SPA17: variants seen among roughly 807,000 people sequenced by gnomAD.
SPA17 encodes sperm autoantigenic protein 17.
SPA17 carries 7 observed loss-of-function variants against 13.8 expected under a neutral mutation model. The ratio of observed to expected loss-of-function variants is 0.51; its 90% CI spans 0.29 to 0.95. The LOEUF is 0.95. SPA17 is among the 40% of genes least tolerant of loss of function. The pLI is 0.08. For synonymous variants in SPA17, 61 were observed against 59.0 expected (o/e 1.03, Z -0.16); for missense variants, 170 against 179.3 (o/e 0.95, Z 0.30).
At chr11:124,683,152 A>G (rs1483979448) in intron 3 of SPA17, among the ~76,000 whole-genome samples, 1 of 152,234 alleles carries the variant, frequency 6.6e-6, no homozygotes, top group Non-Finnish European at 1.5e-5. Context: ...CATAAATGAA[A>G]GAGAAATAAA....
chr11:124,675,086 C>G, intron 1 of SPA17, 152 bp from the exon 2 acceptor site: 1 of 680,862 alleles, frequency 1.5e-6, no homozygotes, highest in Non-Finnish European at 2.3e-6. Flanking sequence ...TTTCAAAACT[C>G]TTTGGAAGAA....
Position 124,694,387 on chromosome 11 carries a change from G to C in SPA17, c.397G>C (p.Glu133Gln). The C allele has an allele frequency of 6.2e-7, 1 of 1,613,960 alleles. No homozygotes were observed. ...AAFRGHIAREEAKKMKTNSLQ... is the reference protein window; with the variant it reads ...AAFRGHIAREQAKKMKTNSLQ... ...CTTCCGGGGACACATAGCCAGAGAG[G>C]AGGCAAAGAAAATGAAAACAAATAG... Residue 133 changes from glutamate to glutamine, a missense_variant, in exon 5 of 5, where the codon GAG (glutamate) becomes CAG (glutamine). Glu to Gln is a conservative substitution (Grantham distance 29, BLOSUM62 2). Transcript: ENST00000227135.
intron 4 of SPA17, among the ~76,000 whole-genome samples, chr11:124,692,272 A>G (rs1317641317): frequency 2.0e-5 from 3 of 152,162 alleles, no homozygotes; most frequent in African/African-American, 7.2e-5. Flanking sequence ...CTGATGTACT[A>G]CATCCAAGCA....
intron 3 of SPA17, among the ~76,000 whole-genome samples, chr11:124,689,449 G>A (rs1251702192): frequency 2.0e-5 from 3 of 152,116 alleles, no homozygotes; most frequent in Non-Finnish European, 4.4e-5. Context: ...ACACAAGGGA[G>A]TCCAACAATT....
At chr11:124,692,947 C>T (rs1326229984) in intron 4 of SPA17, among the ~76,000 whole-genome samples, 7 of 152,202 alleles carry the variant, frequency 4.6e-5, no homozygotes, top group East Asian at 1.9e-4. Context: ...CCTAGTGATG[C>T]ATTGCTTTTC....
chr11:124,696,923 C>G lies in SPA17; in HGVS notation c.*2477C>G, dbSNP rs925791239. ...GATATTGCCCCCAAATCTGAAACTT[C>G]CCCCACACCCAAGTTTTTCCATTCA... is the stretch of plus-strand genomic sequence containing the variant. On this transcript the variant is annotated 3_prime_UTR_variant, in exon 5 of 5. Coordinates refer to ENST00000227135, the MANE Select transcript of SPA17 (RefSeq NM_017425.4). 3.3e-5 allele frequency: 5 copies of G among 152,098 alleles called. No homozygotes were observed. Among genetic ancestry groups the G allele is most frequent in the Non-Finnish European group, 5.9e-5 (4 of 68,036 alleles). The allele number at this position is 152,098 out of a possible 1,614,324, so 9.4% of individuals were successfully genotyped here. A position where few individuals can be genotyped will look rare whatever the true frequency, so the allele number is the denominator to read the frequency against.
intron 3 of SPA17, among the ~76,000 whole-genome samples, chr11:124,690,589 G>T (rs1192792741): frequency 1.3e-5 from 2 of 152,124 alleles, no homozygotes; most frequent in African/African-American, 2.4e-5. Context: ...TAACAAAATT[G>T]TACATGTACT....
At position 124,675,365 on chromosome 11, in the gene SPA17, A is replaced by AT; in HGVS notation, c.102dup (p.Ile35TyrfsTer10). 1 of 1,614,220 alleles carries AT rather than the reference A, an allele frequency of 6.2e-7. No individual in the cohort carries two copies. The highest frequency in any genetic ancestry group is 2.2e-5 in the East Asian group (1 of 44,886). On this transcript the variant is annotated frameshift_variant, in exon 2 of 5. Transcript: ENST00000227135. LOFTEE classifies it high-confidence loss of function. ...GAGATTCTGAGAGAGCAACCGGACA[A>AT]TATACCAGCTTTTGCAGCAGCCTAT... is the stretch of plus-strand genomic sequence containing the variant.
chr11:124,692,633 A>G (rs992828644), intron 4 of SPA17, among the ~76,000 whole-genome samples: 11 of 152,304 alleles, frequency 7.2e-5, no homozygotes, highest in African/African-American at 2.6e-4. Context: ...CCCATTGTTC[A>G]GTAATGTCAC....
intron 2 of SPA17, among the ~76,000 whole-genome samples, chr11:124,678,516 C>CTCTGTGTGTGTGTGTGTGTGTGTGTGTG (rs990471654): frequency 7.0e-6 from 1 of 143,262 alleles, no homozygotes; most frequent in African/African-American, 2.6e-5. Flanking sequence ...GAATACATAA[C>CTCTGTGTGTGTGTGTGTGTGTGTGTGTG]TGTGTGTGTG....
rs1253920775 is a variant in SPA17, at chr11:124,695,865, C to T, written c.*1419C>T. 1 of 152,246 alleles carries T rather than the reference C, an allele frequency of 6.6e-6. No individual in the cohort carries two copies. The highest frequency in any genetic ancestry group is 2.4e-5 in the African/African-American group (1 of 41,462). The allele number at this position is 152,246 out of a possible 1,614,324, so 9.4% of individuals were successfully genotyped here. ...GTCACAACAAATACTCTCCTACAAA[C>T]ACTTTGATCCTTGTCCTAGGCTTAG... On this transcript the variant is annotated 3_prime_UTR_variant, in exon 5 of 5. Coordinates refer to ENST00000227135, the MANE Select transcript of SPA17 (RefSeq NM_017425.4).
At chr11:124,692,103 A>G (rs931565348) in intron 4 of SPA17, among the ~76,000 whole-genome samples, 4 of 152,176 alleles carry the variant, frequency 2.6e-5, no homozygotes, top group African/African-American at 9.6e-5. Context: ...CACTTTGGGA[A>G]TTTTTCACTA....
intron 3 of SPA17, 121 bp downstream of exon 3, chr11:124,681,580 A>AT (rs1334170201): frequency 7.4e-5 from 28 of 378,480 alleles, no homozygotes; most frequent in African/African-American, 6.0e-4. Context: ...TAACTTATTA[A>AT]ATCTTATTAA....
At chr11:124,675,087 T>C in intron 1 of SPA17, 151 bp from the exon 2 acceptor site, 1 of 689,752 alleles carries the variant, frequency 1.4e-6, no homozygotes, top group South Asian at 2.3e-5. Flanking sequence ...TTCAAAACTC[T>C]TTGGAAGAAA....
intron 4 of SPA17, among the ~76,000 whole-genome samples, chr11:124,694,085 C>G (rs942641231): frequency 1.3e-5 from 2 of 152,118 alleles, no homozygotes; most frequent in Non-Finnish European, 2.9e-5. Context: ...TCTTTTGTTG[C>G]AGAGACATAT....
chr11:124,681,081 C>T (rs1231100704), intron 2 of SPA17, among the ~76,000 whole-genome samples: 1 of 152,092 alleles, frequency 6.6e-6, no homozygotes, highest in Non-Finnish European at 1.5e-5. Context: ...TAAGTGTCTA[C>T]ATTTATATTT....
intron 3 of SPA17, among the ~76,000 whole-genome samples, chr11:124,684,805 A>G (rs1410154360): frequency 6.6e-6 from 1 of 152,186 alleles, no homozygotes; most frequent in Non-Finnish European, 1.5e-5. Context: ...ACTTGTTGAG[A>G]ACTGGAGTAA....
chr11:124,683,071 G>C (rs1168537515), intron 3 of SPA17, among the ~76,000 whole-genome samples: 10 of 151,756 alleles, frequency 6.6e-5, no homozygotes, highest in Admixed American at 6.6e-4. Context: ...GGAGAGAGTG[G>C]GATGATAATT....
At chr11:124,693,408 C>G (rs1220610958) in intron 4 of SPA17, among the ~76,000 whole-genome samples, 1 of 151,462 alleles carries the variant, frequency 6.6e-6, no homozygotes, top group Non-Finnish European at 1.5e-5. Context: ...AAAAAGAGAA[C>G]CAAGATATAT....
Sources: gnomAD v4.1 joint callset for allele counts (sites outside exome capture counted in the v4.1 genomes callset) on GRCh38, gnomAD v4.1.1 for gene constraint, MANE v1.5 for transcripts, NCBI Gene and HGNC (gene_info 2026-07-23, HGNC 2026-07-21) for gene names.